Variants in PECAM1 observed in about 807,000 individuals in gnomAD.
PECAM1 encodes platelet and endothelial cell adhesion molecule 1, also known as platelet endothelial cell adhesion molecule.
A neutral mutation model predicts 13.8 loss-of-function variants in PECAM1; 8 were observed. That is an observed-to-expected ratio of 0.58 (90% CI 0.34 to 1.05). PECAM1 has a LOEUF of 1.05. PECAM1 is among the 50% of genes least tolerant of loss of function. The pLI is 0.03. For synonymous variants in PECAM1, 136 were observed against 52.6 expected (o/e 2.58, Z -6.86); for missense variants, 304 against 141.2 (o/e 2.15, Z -5.84).
At position 64,356,407 on chromosome 17, in the gene PECAM1, C is replaced by T; in HGVS notation, c.1493-9G>A. On this transcript the variant is annotated splice_polypyrimidine_tract_variant and intron_variant, in intron 7 of 15. Transcript: ENST00000563924. ...GACCTCATCCACCGGGGCTGAAAAG[C>T]AGGAAAAGGATTCACACTGAGCAAA... The T allele has an allele frequency of 2.2e-6, 1 of 459,622 alleles. No homozygotes were observed. The highest frequency in any genetic ancestry group is 3.2e-5 in the East Asian group (1 of 31,340). 28.5% of individuals were successfully genotyped at this position (459,622 alleles called of 1,614,324 possible).
At position 64,322,172 on chromosome 17, in the gene PECAM1, G is replaced by T; in HGVS notation, c.*1644C>A. On this transcript the variant is annotated 3_prime_UTR_variant, in exon 16 of 16. Coordinates refer to ENST00000563924, the MANE Select transcript of PECAM1 (RefSeq NM_000442.5). ...AGGACAAGGCGGGCAGATCACCAAA[G>T]GTCAGGCATTCGAGATCAGCCTGGC... The T allele has an allele frequency of 9.0e-6, 7 of 773,532 alleles. No homozygotes were observed. The highest frequency in any genetic ancestry group is 1.1e-5 in the Non-Finnish European group (7 of 630,610). 47.9% of individuals were successfully genotyped at this position (773,532 alleles called of 1,614,324 possible).
At chr17:64,347,483 T>A (rs1334396325) in intron 13 of PECAM1, among the ~76,000 whole-genome samples, 1 of 146,230 alleles carries the variant, frequency 6.8e-6, no homozygotes, top group Admixed American at 7.1e-5. Context: ...TGAGCTGAGA[T>A]CTCGCAACTG....
chr17:64,345,596 C>A (rs1398391046), intron 13 of PECAM1, among the ~76,000 whole-genome samples: 2 of 151,500 alleles, frequency 1.3e-5, no homozygotes, highest in Non-Finnish European at 2.9e-5. Context: ...GCCTGTAACC[C>A]CAGCTACTCA....
rs961740700 is a variant in PECAM1, at chr17:64,340,521, A to T, written c.2164+1113T>A. ...AGTCACTATTTCCCCCACAATGTTT[A>T]CGTCTTTCGGATTGCTGACTTACCT... is the stretch of plus-strand genomic sequence containing the variant. On this transcript the variant is annotated intron_variant, in intron 14 of 15. Coordinates refer to ENST00000563924, the MANE Select transcript of PECAM1 (RefSeq NM_000442.5). Among the ~76,000 whole-genome samples the T allele has an allele frequency of 5.5e-3, 830 of 152,148 alleles. 6 individuals are homozygous for T. The highest frequency in any genetic ancestry group is 0.019 in the African/African-American group (799 of 41,492).
In PECAM1 at chr17:64,360,351, G is replaced by A. The variant is rs1412789402; in HGVS notation, c.1281C>T (p.Ile427=). The change falls in exon 7 of 16, where the codon ATC becomes ATT. Residue 427 remains isoleucine (I), a synonymous_variant. Transcript: ENST00000563924. ...AQFEVIKGQT[I]EVRCESISGT... is the part of the protein sequence containing the mutation. ...CACTGATCGATTCGCAACGGACTTCGATGGTCTGTCCTTTTATGACCTCAA... is the reference window on the plus strand; with the variant it reads ...CACTGATCGATTCGCAACGGACTTCAATGGTCTGTCCTTTTATGACCTCAA... The A allele has an allele frequency of 1.3e-4, 64 of 475,344 alleles. 1 individual carries two copies. Among genetic ancestry groups the A allele is most frequent in the African/African-American group, 7.9e-4 (40 of 50,610 alleles). 29.4% of individuals were successfully genotyped at this position (475,344 alleles called of 1,614,324 possible). A position where few individuals can be genotyped will look rare whatever the true frequency, so the allele number is the denominator to read the frequency against.
rs1269954276 is a variant in PECAM1 at position 64,341,637 on chromosome 17, G to A, written c.2161C>T (p.Pro721Ser). The A allele has an allele frequency of 1.2e-4, 54 of 452,932 alleles. No individual in the cohort carries two copies. Among genetic ancestry groups the A allele is most frequent in the Non-Finnish European group, 1.2e-4 (29 of 248,488 alleles). 28.1% of individuals were successfully genotyped at this position (452,932 alleles called of 1,614,324 possible). A position where few individuals can be genotyped will look rare whatever the true frequency, so the allele number is the denominator to read the frequency against. The change falls in exon 14 of 16, where the codon CCT becomes TCT. Residue 721 changes from proline to serine, a missense_variant. Physicochemically the swap from Pro to Ser is moderately conservative, Grantham distance 74. Coordinates refer to ENST00000563924, the MANE Select transcript of PECAM1 (RefSeq NM_000442.5). ...TVYSEVRKAV[P>S]DAVESRYSRT... ...GGCACTGGAGACCCTCACTCACCAG[G>A]GACAGCTTTCCGGACTTCACTGTAC...
chr17:64,325,327 G>A (rs2034919918), intron 15 of PECAM1, among the ~76,000 whole-genome samples: 1 of 152,152 alleles, frequency 6.6e-6, no homozygotes, highest in African/African-American at 2.4e-5. Context: ...GGCGGAGCTT[G>A]CAGTGAGCCA....
chr17:64,370,300 G>A (rs2036212264), intron 4 of PECAM1: 1 of 276,408 alleles, frequency 3.6e-6, no homozygotes, highest in East Asian at 6.1e-5. Flanking sequence ...CGCCTTCAGA[G>A]GACTTCAGAA....
rs1179889834 is a variant in PECAM1 at position 64,321,021 on chromosome 17, G to A, written c.*2795C>T. On this transcript the variant is annotated 3_prime_UTR_variant, in exon 16 of 16. Transcript: ENST00000563924. ...CGCCCGACAGTCGTTGCTTTAGTGAGTGAATGTTGACCTAAGCGTCACTTC... is the reference window on the plus strand; with the variant it reads ...CGCCCGACAGTCGTTGCTTTAGTGAATGAATGTTGACCTAAGCGTCACTTC... 1.3e-5 allele frequency: 2 copies of A among 152,200 alleles called. No homozygotes were observed. The highest frequency in any genetic ancestry group is 2.9e-5 in the Non-Finnish European group (2 of 68,042). 9.4% of individuals were successfully genotyped at this position (152,200 alleles called of 1,614,324 possible).
rs1185925031 is a variant in PECAM1 at position 64,373,147 on chromosome 17, A to ATAAAT, written c.691+1903_691+1904insATTTA. Among the ~76,000 whole-genome samples the ATAAAT allele has an allele frequency of 2.2e-3, 310 of 139,242 alleles. 1 individual carries two copies. The highest frequency in any genetic ancestry group is 8.3e-3 in the African/African-American group (289 of 34,898). The allele number at this position is 139,242 out of a possible 152,430, so 91.3% of individuals were successfully genotyped here. ...AATAAATAAATAAATAAATAAATAA[A>ATAAAT]AAAAAAAGAAAATGCACAAAACATC... On this transcript the variant is annotated intron_variant, in intron 4 of 15. Transcript: ENST00000563924.
rs2035957620 is a variant in PECAM1 at position 64,360,836 on chromosome 17, G to GTGTGTA, written c.1217-422_1217-421insTACACA. Among the ~76,000 whole-genome samples the GTGTGTA allele has an allele frequency of 2.0e-5, 3 of 151,826 alleles. No homozygotes were observed. In the South Asian group the frequency reaches 6.3e-4, roughly 32 times the overall value. Reference sequence around the variant, plus strand: ...AAAATGTGTGTGTGTGTGTGTGTGTGTGTGTGTGTATTTGAGACAGGGTCT... The same window carrying GTGTGTA: ...AAAATGTGTGTGTGTGTGTGTGTGTGTGTGTATGTGTGTGTATTTGAGACAGGGTCT... On this transcript the variant is annotated intron_variant, in intron 6 of 15. Coordinates refer to ENST00000563924, the MANE Select transcript of PECAM1 (RefSeq NM_000442.5).
Position 64,336,879 on chromosome 17 carries a change from A to C in PECAM1, c.2164+4755T>G, listed in dbSNP as rs1344905846. The stretch of plus-strand genomic sequence containing the variant: ...TCTTACAAAAAAGAAAGAAAAGAAA[A>C]GAAAGAAGGAAGGAAGGAGAGAGAG... On this transcript the variant is annotated intron_variant, in intron 14 of 15. Coordinates refer to ENST00000563924, the MANE Select transcript of PECAM1 (RefSeq NM_000442.5). 3.5e-5 allele frequency among the ~76,000 whole-genome samples: 4 copies of C among 114,276 alleles called. No individual in the cohort carries two copies. The Admixed American group carries it at 4.1e-4, about 12-fold the overall frequency. The allele number at this position is 114,276 out of a possible 152,430, so 75.0% of individuals were successfully genotyped here.
intron 14 of PECAM1, among the ~76,000 whole-genome samples, chr17:64,332,122 TC>T (rs1368732791): frequency 6.6e-6 from 1 of 152,034 alleles, no homozygotes; most frequent in Non-Finnish European, 1.5e-5. Context: ...CCACTGCCCC[TC>T]CCCCATAGAG....
rs1346304294 is a variant in PECAM1, at chr17:64,320,788, C to T, written c.*3028G>A. 6.6e-6 allele frequency: 1 copy of T among 152,238 alleles called. No individual in the cohort carries two copies. Among genetic ancestry groups the T allele is most frequent in the Non-Finnish European group, 1.5e-5 (1 of 68,060 alleles). 9.4% of individuals were successfully genotyped at this position (152,238 alleles called of 1,614,324 possible). ...GCTTGTTGAGCAAACAGACAAATAACTGGATGCTTCTGTGCAGAGTTTCTC... is the reference window on the plus strand; with the variant it reads ...GCTTGTTGAGCAAACAGACAAATAATTGGATGCTTCTGTGCAGAGTTTCTC... On this transcript the variant is annotated 3_prime_UTR_variant, in exon 16 of 16. Transcript: ENST00000563924.
intron 15 of PECAM1, among the ~76,000 whole-genome samples, chr17:64,326,646 G>A (rs1555645772): frequency 1.3e-5 from 2 of 152,208 alleles, no homozygotes; most frequent in African/African-American, 4.8e-5. Flanking sequence ...CTCTCTCTGT[G>A]GGGGCAGCCA....
chr17:64,323,503 A>G lies in PECAM1; in HGVS notation c.*313T>C. On this transcript the variant is annotated 3_prime_UTR_variant, in exon 16 of 16. Coordinates refer to ENST00000563924, the MANE Select transcript of PECAM1 (RefSeq NM_000442.5). ...GGTCTTTATCTCTGCACAAAACAAA[A>G]TATTCAAGTTTCAGAATATCCCAAT... 7.5e-7 allele frequency: 1 copy of G among 1,325,006 alleles called. No homozygotes were observed. Among genetic ancestry groups the G allele is most frequent in the Non-Finnish European group, 9.7e-7 (1 of 1,032,060 alleles). The allele number at this position is 1,325,006 out of a possible 1,614,324, so 82.1% of individuals were successfully genotyped here.
At chr17:64,348,417 T>C in intron 12 of PECAM1, 95 bp from the exon 13 acceptor site, 1 of 403,102 alleles carries the variant, frequency 2.5e-6, no homozygotes, top group Non-Finnish European at 4.4e-6. Flanking sequence ...CTTTTTTTTT[T>C]TTTTTTTTGA....
At chr17:64,325,565 A>G (rs2034931292) in intron 15 of PECAM1, among the ~76,000 whole-genome samples, 1 of 152,034 alleles carries the variant, frequency 6.6e-6, no homozygotes, top group East Asian at 1.9e-4. Flanking sequence ...GCGAAGCCCC[A>G]TCTCTATCAA....
chr17:64,353,256 T>G (rs2035768084), intron 10 of PECAM1, among the ~76,000 whole-genome samples: 1 of 151,624 alleles, frequency 6.6e-6, no homozygotes, highest in African/African-American at 2.4e-5. Flanking sequence ...GATCTCAGAA[T>G]AAAAGCCATT....
Sources: gnomAD v4.1 joint callset for allele counts (sites outside exome capture counted in the v4.1 genomes callset) on GRCh38, gnomAD v4.1.1 for gene constraint, MANE v1.5 for transcripts, NCBI Gene and HGNC (gene_info 2026-07-23, HGNC 2026-07-21) for gene names.